The following COG3 variants were observed in gnomAD, a reference collection of about 807,000 sequenced individuals.
COG3 encodes component of oligomeric golgi complex 3, also known as conserved oligomeric Golgi complex subunit 3.
Under a neutral mutation model 114.1 loss-of-function variants are expected in COG3, and 32 were observed. The observed-to-expected ratio is 0.28, with a 90% CI of 0.21 to 0.38. COG3 has a LOEUF of 0.38. Among genes scored for constraint, COG3 ranks in the 10% least tolerant of loss-of-function variants. COG3 has a pLI of 1.00. For synonymous variants in COG3, 352 were observed against 365.7 expected (o/e 0.96, Z 0.43); for missense variants, 813 against 973.2 (o/e 0.84, Z 2.19).
chr13:45,482,287 C>G, intron 5 of COG3, 94 bp from the exon 6 acceptor site: 1 of 604,036 alleles, frequency 1.7e-6, no homozygotes, highest in Non-Finnish European at 2.8e-6. Flanking sequence ...CATGTTATGT[C>G]CTAAAGGCAA....
At position 45,476,233 on chromosome 13, in the gene COG3, C is replaced by T; in HGVS notation, c.207C>T (p.Ser69=). 4 of 1,613,588 alleles carry T rather than the reference C, an allele frequency of 2.5e-6. No individual in the cohort carries two copies. Among genetic ancestry groups the T allele is most frequent in the Non-Finnish European group, 3.4e-6 (4 of 1,179,692 alleles). Residue 69 remains serine, a synonymous_variant, in exon 2 of 23, where the codon TCC becomes TCT. Transcript: ENST00000349995. ...LPIEDLCSLT[S]QSLPIELTSV... is the part of the protein sequence containing the mutation. ...TTGAAGACTTGTGCAGTTTAACATC[C>T]CAGTCACTGCCCATTGAACTGACTT... is the stretch of plus-strand genomic sequence containing the variant.
chr13:45,509,772 C>T lies in COG3; in HGVS notation c.1675C>T (p.Arg559Ter). The change falls in exon 15 of 23, where the codon CGA becomes TGA. Residue 559 changes from arginine (R) to a stop codon, truncating the protein, a stop_gained. Coordinates refer to ENST00000349995, the MANE Select transcript of COG3 (RefSeq NM_031431.4). LOFTEE classifies it high-confidence loss of function. The part of the protein sequence containing the change: ...DLHGMWYPTV[R>*]RTLVCLSKLY... ...TCATGGAATGTGGTATCCTACGGTT[C>T]GAAGAACTCTTGTCTGTCTCTCCAA... The T allele has an allele frequency of 6.2e-7, 1 of 1,613,794 alleles. No individual in the cohort carries two copies. Among genetic ancestry groups the T allele is most frequent in the Non-Finnish European group, 8.5e-7 (1 of 1,179,728 alleles).
rs774381979 is a variant in COG3, at chr13:45,465,002, T to C, written c.-35T>C. On this transcript the variant is annotated 5_prime_UTR_variant, in exon 1 of 23. Transcript: ENST00000349995. ...GGTCTCTCTGTCGGGGTCCCCTCCA[T>C]CTCGCTGCTGCTGAAGGCCGCGAGG... is the stretch of plus-strand genomic sequence containing the variant. The C allele has an allele frequency of 2.6e-6, 4 of 1,542,676 alleles. No individual in the cohort carries two copies. The highest frequency in any genetic ancestry group is 3.5e-6 in the Non-Finnish European group (4 of 1,145,560).
intron 13 of COG3, among the ~76,000 whole-genome samples, chr13:45,502,859 C>T (rs571657386): frequency 6.6e-6 from 1 of 152,096 alleles, no homozygotes; most frequent in Admixed American, 6.6e-5. Context: ...AACTAAATGA[C>T]TGTTAGGTCT....
Position 45,479,159 on chromosome 13 carries a change from G to A in COG3, c.383+93G>A, listed in dbSNP as rs1289740430. On this transcript the variant is annotated intron_variant, in intron 3 of 22. Coordinates refer to ENST00000349995, the MANE Select transcript of COG3 (RefSeq NM_031431.4). ...AATCAGTGTCTTTAAATAAAACTGA[G>A]GTATTAAGAAAACTGTAACAGCCAT... is the stretch of plus-strand genomic sequence containing the variant. 68 of 902,026 alleles carry A rather than the reference G, an allele frequency of 7.5e-5. No homozygotes were observed. In the Admixed American group the frequency reaches 1.6e-3, roughly 21 times the overall value. The allele number at this position is 902,026 out of a possible 1,614,324, so 55.9% of individuals were successfully genotyped here.
At position 45,483,324 on chromosome 13, in the gene COG3, T is replaced by C. The variant is rs1342403848; in HGVS notation, c.812T>C (p.Leu271Pro). 6.3e-7 allele frequency: 1 copy of C among 1,596,642 alleles called. No homozygotes were observed. Among genetic ancestry groups the C allele is most frequent in the Admixed American group, 1.7e-5 (1 of 57,684 alleles). ...ATGAAGACATATACTGTGAACACAC[T>C]ACAGACCCTCACAAGTCAGTTACTG... ...HLMKTYTVNT[L>P]QTLTSQLLKR... The change falls in exon 7 of 23, where the codon CTA (leucine) becomes CCA (proline). Residue 271 changes from leucine to proline, a missense_variant. Leu to Pro is a moderately conservative substitution (Grantham distance 98). Coordinates refer to ENST00000349995, the MANE Select transcript of COG3 (RefSeq NM_031431.4).
chr13:45,531,110 G>T (rs1593759346), intron 22 of COG3: 1 of 823,654 alleles, frequency 1.2e-6, no homozygotes. Flanking sequence ...TGCATAATAA[G>T]AGAAATACAT....
intron 14 of COG3, among the ~76,000 whole-genome samples, chr13:45,507,189 A>G (rs893196543): frequency 6.6e-6 from 1 of 152,192 alleles, no homozygotes; most frequent in Non-Finnish European, 1.5e-5. Context: ...CTAAACTTTT[A>G]TTTGGGAGAA....
At chr13:45,522,644 T>C (rs889273073) in intron 19 of COG3, among the ~76,000 whole-genome samples, 1 of 152,210 alleles carries the variant, frequency 6.6e-6, no homozygotes, top group African/African-American at 2.4e-5. Context: ...AAATAAGTAC[T>C]AGAAGAGTGT....
chr13:45,517,300 GT>G (rs1264348398), intron 17 of COG3, among the ~76,000 whole-genome samples: 1 of 152,082 alleles, frequency 6.6e-6, no homozygotes, highest in Non-Finnish European at 1.5e-5. Flanking sequence ...AGGATAGCAG[GT>G]TTTTAGTTCC....
chr13:45,518,425 T>G (rs2137902612), intron 17 of COG3, among the ~76,000 whole-genome samples: 1 of 152,350 alleles, frequency 6.6e-6, no homozygotes, highest in East Asian at 1.9e-4. Flanking sequence ...ATAAAGAAGC[T>G]GGGTAAGTAT....
rs189969259 is a variant in COG3, at chr13:45,510,702, G to T, written c.1719+886G>T. On this transcript the variant is annotated intron_variant, in intron 15 of 22. Transcript: ENST00000349995. Reference sequence around the variant, plus strand: ...ATGCCAGTTTTGTCTTATGCCTTAGGCTGGCTTATTCTTTTTTCACCTAGC... The same window carrying T: ...ATGCCAGTTTTGTCTTATGCCTTAGTCTGGCTTATTCTTTTTTCACCTAGC... 1.4e-4 allele frequency among the ~76,000 whole-genome samples: 21 copies of T among 152,286 alleles called. No homozygotes were observed. The East Asian group carries it at 3.3e-3, about 24-fold the overall frequency.
chr13:45,486,268 C>T (rs1272463913), intron 7 of COG3, among the ~76,000 whole-genome samples: 2 of 141,802 alleles, frequency 1.4e-5, no homozygotes, highest in Non-Finnish European at 3.0e-5. Flanking sequence ...CCAGCTTCGG[C>T]TCGGCATGAG....
chr13:45,522,716 G>A (rs1026858285), intron 19 of COG3, among the ~76,000 whole-genome samples: 33 of 152,148 alleles, frequency 2.2e-4, no homozygotes, highest in Admixed American at 2.0e-4. Context: ...TTGGCCTGAG[G>A]GAATGTAATG....
In COG3 at chr13:45,536,197, G is replaced by C. The variant is rs1555301342; in HGVS notation, c.*1466G>C. The C allele has an allele frequency of 6.6e-6, 1 of 152,076 alleles. No homozygotes were observed. 9.4% of individuals were successfully genotyped at this position (152,076 alleles called of 1,614,324 possible). A position where few individuals can be genotyped will look rare whatever the true frequency, so the allele number is the denominator to read the frequency against. ...TTAGGAAGATTGTATTTACTTAACT[G>C]TTTTTTAAATACATGTTTAATGAAA... On this transcript the variant is annotated 3_prime_UTR_variant, in exon 23 of 23. Coordinates refer to ENST00000349995, the MANE Select transcript of COG3 (RefSeq NM_031431.4).
At chr13:45,502,105 G>A (rs544223520) in intron 13 of COG3, among the ~76,000 whole-genome samples, 4 of 152,102 alleles carry the variant, frequency 2.6e-5, no homozygotes, top group Non-Finnish European at 4.4e-5. Context: ...TAACAACAGG[G>A]AGCAGATGGG....
intron 11 of COG3, among the ~76,000 whole-genome samples, chr13:45,493,098 G>T (rs986357717): frequency 6.6e-6 from 1 of 152,138 alleles, no homozygotes; most frequent in African/African-American, 2.4e-5. Context: ...GTAATAGGTT[G>T]ACTTTTGTTT....
chr13:45,510,942 A>G (rs1870791085), intron 15 of COG3, among the ~76,000 whole-genome samples: 1 of 152,206 alleles, frequency 6.6e-6, no homozygotes, highest in Non-Finnish European at 1.5e-5. Context: ...CAGAACAGGG[A>G]GAAGCAATGT....
chr13:45,489,327 G>T (rs1886882581), intron 8 of COG3, among the ~76,000 whole-genome samples: 1 of 139,476 alleles, frequency 7.2e-6, no homozygotes, highest in African/African-American at 2.7e-5. Flanking sequence ...GAGAAACTTA[G>T]TTTTGTTTAT....
Sources: gnomAD v4.1 joint callset for allele counts (sites outside exome capture counted in the v4.1 genomes callset) on GRCh38, gnomAD v4.1.1 for gene constraint, MANE v1.5 for transcripts, NCBI Gene and HGNC (gene_info 2026-07-23, HGNC 2026-07-21) for gene names.